RASSF3: variants seen among roughly 807,000 people sequenced by gnomAD.
RASSF3 encodes ras association domain-containing protein 3.
A neutral mutation model predicts 19.9 loss-of-function variants in RASSF3; 19 were observed. The ratio of observed to expected loss-of-function variants is 0.96; its 90% CI spans 0.67 to 1.40. RASSF3 has a LOEUF of 1.40. RASSF3 is among the 40% of genes most tolerant of loss of function. The probability of loss-of-function intolerance (pLI) is 0.00; values close to 1 mark genes in which losing one functional copy is unlikely to be tolerated. For synonymous variants in RASSF3, 110 were observed against 104.2 expected, an observed-to-expected ratio of 1.06 and a Z score of -0.34; for missense variants, 306 against 289.8, an observed-to-expected ratio of 1.06 and a Z score of -0.41.
downstream of RASSF3, among the ~76,000 whole-genome samples, chr12:64,543,586 C>A (rs1178616612): frequency 1.5e-5 from 2 of 135,824 alleles, no homozygotes; most frequent in Non-Finnish European, 3.3e-5. Context: ...AAGCCCCACC[C>A]CCTGTTCCAT....
chr12:64,545,571 C>T (rs970643625), downstream of RASSF3, among the ~76,000 whole-genome samples: 4 of 152,056 alleles, frequency 2.6e-5, no homozygotes, highest in South Asian at 2.1e-4. Context: ...ACGTGAAAGG[C>T]GGCTTCCCAA....
At chr12:64,608,658 A>G (rs1300973055), upstream of RASSF3, among the ~76,000 whole-genome samples, 4 of 152,232 alleles carry the variant, frequency 2.6e-5, no homozygotes, top group Non-Finnish European at 5.9e-5. Context: ...TGTTCTAGGT[A>G]AAATTATTTT....
At chr12:64,567,944 T>G (rs1048804749) in intron 2 of RASSF3, among the ~76,000 whole-genome samples, 3 of 152,250 alleles carry the variant, frequency 2.0e-5, no homozygotes, top group Admixed American at 6.5e-5. Context: ...GAAGAGAGTG[T>G]TTACATAGAC....
At chr12:64,607,877 TC>T (rs1870221514), upstream of RASSF3, among the ~76,000 whole-genome samples, 1 of 152,144 alleles carries the variant, frequency 6.6e-6, no homozygotes, top group African/African-American at 2.4e-5. Flanking sequence ...CCACCTAGCC[TC>T]CTGAGTAGCT....
Position 64,688,474 on chromosome 12 carries a change from GA to G in RASSF3, c.457+25del, listed in dbSNP as rs1161778305. 3.9e-6 allele frequency: 6 copies of G among 1,544,066 alleles called. No individual in the cohort carries two copies. The African/African-American group carries it at 8.2e-5, about 21-fold the overall frequency. On this transcript the variant is annotated intron_variant, in intron 3 of 4. Transcript: ENST00000542104. ...CCAAGGTACGCTGCCAGCTTAAAAG[GA>G]AAATGGTCTGTGCTTCTACTTGCAT... is the stretch of plus-strand genomic sequence containing the variant.
chr12:64,570,800 C>T (rs1447925504), intron 2 of RASSF3, among the ~76,000 whole-genome samples: 2 of 152,130 alleles, frequency 1.3e-5, no homozygotes, highest in Non-Finnish European at 2.9e-5. Context: ...GCACTGAAAA[C>T]ATGAGGGTTC....
chr12:64,693,144 C>CTTTTT (rs71434057), intron 4 of RASSF3, among the ~76,000 whole-genome samples: 1 of 128,754 alleles, frequency 7.8e-6, no homozygotes. Context: ...CCATGTTGCT[C>CTTTTT]TTTTTTTTTT....
intron 2 of RASSF3, among the ~76,000 whole-genome samples, chr12:64,561,770 G>A (rs1451645399): frequency 2.3e-5 from 3 of 130,270 alleles, no homozygotes; most frequent in South Asian, 2.5e-4. Context: ...TCAGCTCACC[G>A]CAACCTCCAC....
chr12:64,692,143 C>T (rs945052586), intron 4 of RASSF3, among the ~76,000 whole-genome samples: 1 of 151,992 alleles, frequency 6.6e-6, no homozygotes, highest in Non-Finnish European at 1.5e-5. Context: ...TTAGCCAGTT[C>T]AGTAGAAGAA....
At chr12:64,536,613 T>G (rs1035874799) in intron 1 of RASSF3, among the ~76,000 whole-genome samples, 2 of 152,096 alleles carry the variant, frequency 1.3e-5, no homozygotes, top group Non-Finnish European at 2.9e-5. Context: ...AAAAAAATGG[T>G]GCATAGTCTT....
At chr12:64,520,681 G>GT (rs1325776653) in intron 1 of RASSF3, among the ~76,000 whole-genome samples, 2 of 150,284 alleles carry the variant, frequency 1.3e-5, no homozygotes, top group Non-Finnish European at 3.0e-5. Flanking sequence ...TTGGATTTCT[G>GT]TTACTATTCT....
intron 1 of RASSF3, among the ~76,000 whole-genome samples, chr12:64,624,819 C>T (rs1039951318): frequency 4.0e-5 from 6 of 151,652 alleles, no homozygotes; most frequent in Non-Finnish European, 7.4e-5. Context: ...CCACCACCCC[C>T]GGGTAATTTT....
chr12:64,528,015 T>C (rs1272341461), intron 1 of RASSF3, among the ~76,000 whole-genome samples: 4 of 151,998 alleles, frequency 2.6e-5, no homozygotes, highest in South Asian at 4.2e-4. Flanking sequence ...TCCCAGCAAA[T>C]TGGGAGGCCA....
chr12:64,594,169 CA>C (rs554901169), intron 2 of RASSF3, among the ~76,000 whole-genome samples: 564 of 152,000 alleles, frequency 3.7e-3, no homozygotes, highest in African/African-American at 0.012. Flanking sequence ...CCCATCTCTA[CA>C]AAAAATTTTA....
chr12:64,587,428 C>A (rs1460110441), intron 2 of RASSF3, among the ~76,000 whole-genome samples: 1 of 152,032 alleles, frequency 6.6e-6, no homozygotes, highest in African/African-American at 2.4e-5. Flanking sequence ...TTTTTCTTTT[C>A]CCTAAGAAAA....
chr12:64,588,086 A>G (rs1459279425), intron 2 of RASSF3, among the ~76,000 whole-genome samples: 1 of 152,054 alleles, frequency 6.6e-6, no homozygotes, highest in African/African-American at 2.4e-5. Context: ...ATCCCCCCAC[A>G]ACCTTTTTTT....
chr12:64,513,407 G>T (rs1868339793), intron 1 of RASSF3, among the ~76,000 whole-genome samples: 1 of 148,044 alleles, frequency 6.8e-6, no homozygotes. Flanking sequence ...CTGAGATCAT[G>T]CCACTGCACT....
At chr12:64,528,998 A>G (rs1868650165), upstream of RASSF3, among the ~76,000 whole-genome samples, 1 of 152,242 alleles carries the variant, frequency 6.6e-6, no homozygotes, top group South Asian at 2.1e-4. Context: ...AGGTTGCTGA[A>G]AAAATTAAGT....
intron 1 of RASSF3, among the ~76,000 whole-genome samples, chr12:64,621,312 T>C (rs1328931776): frequency 6.6e-6 from 1 of 152,238 alleles, no homozygotes; most frequent in Non-Finnish European, 1.5e-5. Flanking sequence ...GAATTGTCCA[T>C]GCATGACCTT....
Sources: gnomAD v4.1 joint callset for allele counts (sites outside exome capture counted in the v4.1 genomes callset) on GRCh38, gnomAD v4.1.1 for gene constraint, MANE v1.5 for transcripts, NCBI Gene and HGNC (gene_info 2026-07-23, HGNC 2026-07-21) for gene names.